The following SLC29A1 variants were observed in gnomAD, a reference collection of about 807,000 sequenced individuals.
SLC29A1 encodes equilibrative nucleoside transporter 1.
In SLC29A1, 22 loss-of-function variants were observed where a neutral mutation model predicts 48.3. The ratio of observed to expected loss-of-function variants is 0.46; its 90% confidence interval spans 0.33 to 0.65. The LOEUF (loss-of-function observed/expected upper bound fraction) is 0.65. Among genes scored for constraint, SLC29A1 ranks in the 30% least tolerant of loss-of-function variants. SLC29A1 has a pLI of 0.03. For missense variants in SLC29A1, 491 were observed against 575.3 expected, an observed-to-expected ratio of 0.85 and a Z score of 1.50; for synonymous variants, 228 against 231.0, an observed-to-expected ratio of 0.99 and a Z score of 0.12.
intron 1 of SLC29A1, among the ~76,000 whole-genome samples, chr6:44,225,400 G>A (rs1229483042): frequency 6.6e-6 from 1 of 151,862 alleles, no homozygotes; most frequent in Non-Finnish European, 1.5e-5. Flanking sequence ...CAGCTTCTTG[G>A]GAGGCTGAGG....
rs980406926 is a variant in SLC29A1 at position 44,227,271 on chromosome 6, G to A, written c.-43G>A. The stretch of plus-strand genomic sequence containing the variant: ...GTTCCTGCCCCCAGCAGGCCCCTGA[G>A]GGAGGGAGCTGTCAGCCAGGGAAAA... On this transcript the variant is annotated 5_prime_UTR_variant, in exon 2 of 13. Transcript: ENST00000371755. 1 of 1,613,656 alleles carries A rather than the reference G, an allele frequency of 6.2e-7. No homozygotes were observed. Among genetic ancestry groups the A allele is most frequent in the Non-Finnish European group, 8.5e-7 (1 of 1,179,870 alleles).
chr6:44,232,041 C>A lies in SLC29A1; in HGVS notation c.908C>A (p.Thr303Asn). 6.2e-7 allele frequency: 1 copy of A among 1,614,068 alleles called. No homozygotes were observed. The highest frequency in any genetic ancestry group is 8.5e-7 in the Non-Finnish European group (1 of 1,179,946). ...TCTGTCTGCTTCATCTTCACTATCACCATTGGGATGTTTCCAGCCGTGACT... is the reference window on the plus strand; with the variant it reads ...TCTGTCTGCTTCATCTTCACTATCAACATTGGGATGTTTCCAGCCGTGACT... ...AFSVCFIFTI[T>N]IGMFPAVTVE... Residue 303 changes from threonine to asparagine, a missense_variant, in exon 10 of 13, where the codon ACC (threonine) becomes AAC (asparagine). By Grantham distance (65) the Thr-to-Asn change is moderately conservative. Transcript: ENST00000371755. This position sits in a 1 kb window ranked among gnomAD's most constrained non-coding sequence, Gnocchi z 4.7.
Position 44,233,778 on chromosome 6 carries a change from A to G in SLC29A1, c.*250A>G. Reference sequence around the variant, plus strand: ...CCTCGGCATTTGCTTGAGTTTCTCCACTCTTGGCTCTGACTGATCCCTGCT... The same window carrying G: ...CCTCGGCATTTGCTTGAGTTTCTCCGCTCTTGGCTCTGACTGATCCCTGCT... On this transcript the variant is annotated 3_prime_UTR_variant, in exon 13 of 13. Transcript: ENST00000371755. The G allele has an allele frequency of 9.6e-6, 5 of 518,974 alleles. No homozygotes were observed. Among genetic ancestry groups the G allele is most frequent in the Non-Finnish European group, 1.7e-5 (5 of 288,464 alleles). 32.1% of individuals were successfully genotyped at this position (518,974 alleles called of 1,614,324 possible).
chr6:44,219,628 G>A, upstream of SLC29A1: 1 of 1,095,222 alleles, frequency 9.1e-7, no homozygotes, highest in Non-Finnish European at 1.2e-6. Flanking sequence ...TCTTCCGCCC[G>A]GCGGCCCACA....
At position 44,231,413 on chromosome 6, in the gene SLC29A1, C is replaced by T. The variant is rs895204832; in HGVS notation, c.816C>T (p.Asn272=). 33 of 1,607,328 alleles carry T rather than the reference C, an allele frequency of 2.1e-5. No individual in the cohort carries two copies. The highest frequency in any genetic ancestry group is 2.6e-5 in the Non-Finnish European group (30 of 1,175,882). ...AGGAATCTGGAGTTTCAGTCTCCAACTCTCAGCCCACCAATGAAAGCCACT... is the reference window on the plus strand; with the variant it reads ...AGGAATCTGGAGTTTCAGTCTCCAATTCTCAGCCCACCAATGAAAGCCACT... ...GKEESGVSVS[N]SQPTNESHSI... Residue 272 remains asparagine, a synonymous_variant, in exon 9 of 13, where the codon AAC becomes AAT. Transcript: ENST00000371755.
rs761272606 is a variant in SLC29A1 at position 44,232,319 on chromosome 6, C to T, written c.974-24C>T. 13 of 1,551,108 alleles carry T rather than the reference C, an allele frequency of 8.4e-6. No homozygotes were observed. Among genetic ancestry groups the T allele is most frequent in the South Asian group, 1.1e-5 (1 of 89,782 alleles). ...ATACCTGCCTCTGTGAGCCTGATAA[C>T]CACCCGTTCATCTCCTCTTCCAGAA... On this transcript the variant is annotated intron_variant, in intron 10 of 12. Transcript: ENST00000371755. The surrounding 1 kb of genome is among the most constrained non-coding windows in gnomAD (Gnocchi z 4.7).
rs372493159 is a variant in SLC29A1, at chr6:44,229,669, C to T, written c.192C>T (p.Ala64=). ...TGAGCAAGGACGCCCAGGCGTCAGC[C>T]GCCCCTGCAGCACCCTTGCCTGAGC... The part of the protein sequence containing the change: ...AELSKDAQAS[A]APAAPLPERN... Residue 64 remains alanine (A), a synonymous_variant, in exon 4 of 13, where the codon GCC becomes GCT. Coordinates refer to ENST00000371755, the MANE Select transcript of SLC29A1 (RefSeq NM_001372327.1). This position sits in a 1 kb window ranked among gnomAD's most constrained non-coding sequence, Gnocchi z 5.1. 28 of 1,614,108 alleles carry T rather than the reference C, an allele frequency of 1.7e-5. No homozygotes were observed. The highest frequency in any genetic ancestry group is 1.7e-4 in the African/African-American group (13 of 75,062).
At position 44,233,792 on chromosome 6, in the gene SLC29A1, C is replaced by T. The variant is rs1021610992; in HGVS notation, c.*264C>T. 8.5e-5 allele frequency: 43 copies of T among 507,258 alleles called. 1 individual carries two copies. The highest frequency in any genetic ancestry group is 1.4e-5 in the Non-Finnish European group (4 of 280,526). The allele number at this position is 507,258 out of a possible 1,614,324, so 31.4% of individuals were successfully genotyped here. ...TGAGTTTCTCCACTCTTGGCTCTGACTGATCCCTGCTTGTGCAGGCCAGTG... is the reference window on the plus strand; with the variant it reads ...TGAGTTTCTCCACTCTTGGCTCTGATTGATCCCTGCTTGTGCAGGCCAGTG... On this transcript the variant is annotated 3_prime_UTR_variant, in exon 13 of 13. Coordinates refer to ENST00000371755, the MANE Select transcript of SLC29A1 (RefSeq NM_001372327.1).
At chr6:44,226,640 G>T in intron 1 of SLC29A1, 2 of 568,528 alleles carry the variant, frequency 3.5e-6, no homozygotes, top group African/African-American at 2.0e-5. Context: ...AATCTGGGTT[G>T]CCTTCAGGAG....
At chr6:44,219,790 G>C (rs1183405680), upstream of SLC29A1, 25 of 1,281,338 alleles carry the variant, frequency 2.0e-5, no homozygotes, top group Non-Finnish European at 7.1e-6. Flanking sequence ...CAGGTGCGCG[G>C]GGCGGGGCCG....
upstream of SLC29A1, among the ~76,000 whole-genome samples, chr6:44,222,373 C>T (rs1189689783): frequency 6.6e-6 from 1 of 152,098 alleles, no homozygotes; most frequent in African/African-American, 2.4e-5. Flanking sequence ...GAGCCACTGA[C>T]CCTAATTAGA....
chr6:44,226,284 A>C, intron 1 of SLC29A1: 1 of 189,072 alleles, frequency 5.3e-6, no homozygotes, highest in Non-Finnish European at 9.8e-6. Context: ...CTGGCTTCCC[A>C]TGCCACCCAA....
chr6:44,233,595 G>T lies in SLC29A1; in HGVS notation c.*67G>T. ...GCCTCCTGCCCCTTCCTTCTGCCAG[G>T]GGTGATCCTGAGTGGTCTGGCGGTT... On this transcript the variant is annotated 3_prime_UTR_variant, in exon 13 of 13. Transcript: ENST00000371755. The T allele has an allele frequency of 7.6e-7, 1 of 1,313,560 alleles. No homozygotes were observed. The highest frequency in any genetic ancestry group is 1.2e-5 in the South Asian group (1 of 84,546). 81.4% of individuals were successfully genotyped at this position (1,313,560 alleles called of 1,614,324 possible).
Position 44,229,308 on chromosome 6 carries a change from C to G in SLC29A1, c.30-82C>G. ...CCCTGGGACCTAGAGAGACTGACAA[C>G]GGACAGGGGCTTTCCTGGGGCTCAT... On this transcript the variant is annotated intron_variant, in intron 2 of 12. Transcript: ENST00000371755. The surrounding 1 kb of genome is among the most constrained non-coding windows in gnomAD (Gnocchi z 5.1). The G allele has an allele frequency of 9.1e-7, 1 of 1,098,552 alleles. No homozygotes were observed. The highest frequency in any genetic ancestry group is 1.4e-6 in the Non-Finnish European group (1 of 710,168). 68.1% of individuals were successfully genotyped at this position (1,098,552 alleles called of 1,614,324 possible).
At chr6:44,226,224 C>A in intron 1 of SLC29A1, 1 of 571,338 alleles carries the variant, frequency 1.8e-6, no homozygotes, top group Non-Finnish European at 2.2e-6. Context: ...AACAGCAAGG[C>A]CTGGGCCCAG....
In SLC29A1 at chr6:44,223,639, C is replaced by A; in HGVS notation, c.-54C>A. The A allele has an allele frequency of 4.1e-6, 5 of 1,207,666 alleles. No individual in the cohort carries two copies. The highest frequency in any genetic ancestry group is 1.1e-6 in the Non-Finnish European group (1 of 947,652). The allele number at this position is 1,207,666 out of a possible 1,614,324, so 74.8% of individuals were successfully genotyped here. ...CAGCGCGGGAGCAGTGCTTCTGCGG[C>A]AGGTGCTGCCCGGGGCCGGGGACTG... On this transcript the variant is annotated splice_region_variant and 5_prime_UTR_variant, in exon 1 of 13. Coordinates refer to ENST00000371755, the MANE Select transcript of SLC29A1 (RefSeq NM_001372327.1). This position sits in a 1 kb window ranked among gnomAD's most constrained non-coding sequence, Gnocchi z 5.0.
At chr6:44,220,262 C>T (rs994614143), upstream of SLC29A1, among the ~76,000 whole-genome samples, 2 of 151,908 alleles carry the variant, frequency 1.3e-5, no homozygotes, top group African/African-American at 4.8e-5. Context: ...ACTGCAGCCT[C>T]GACCTCATGG....
intron 1 of SLC29A1, among the ~76,000 whole-genome samples, chr6:44,226,457 C>G (rs1777537142): frequency 7.0e-6 from 1 of 143,232 alleles, no homozygotes; most frequent in Non-Finnish European, 1.5e-5. Flanking sequence ...GAGCCTGTGA[C>G]AGAGAGGAAC....
chr6:44,229,909 T>A lies in SLC29A1; in HGVS notation c.317T>A (p.Ile106Asn). ...CCACCCTTGGCCTCTCCCGGCAGGA[T>A]CCCCCAGTCCGTACGGATCCTGGGC... The part of the protein sequence containing the change: ...TYLNSFLHQR[I>N]PQSVRILGSL... The change falls in exon 5 of 13, where the codon ATC becomes AAC. Residue 106 changes from isoleucine to asparagine, a missense_variant and splice_region_variant. Coordinates refer to ENST00000371755, the MANE Select transcript of SLC29A1 (RefSeq NM_001372327.1). This position sits in a 1 kb window ranked among gnomAD's most constrained non-coding sequence, Gnocchi z 5.1. 6.2e-7 allele frequency: 1 copy of A among 1,613,024 alleles called. No homozygotes were observed. Among genetic ancestry groups the A allele is most frequent in the Non-Finnish European group, 8.5e-7 (1 of 1,179,984 alleles).
Sources: allele counts gnomAD v4.1 joint callset (sites outside exome capture counted in the v4.1 genomes callset), GRCh38; gene constraint gnomAD v4.1.1; non-coding constraint Gnocchi (gnomAD v3.1); transcripts MANE v1.5; gene names NCBI Gene and HGNC (gene_info 2026-07-23, HGNC 2026-07-21).